The following CTNNA3 variants were observed in gnomAD, a reference collection of about 807,000 sequenced individuals.
CTNNA3 encodes the protein catenin alpha-3.
A neutral mutation model predicts 95.7 loss-of-function variants in CTNNA3; 76 were observed. The observed-to-expected ratio is 0.79, with a 90% CI of 0.66 to 0.96. CTNNA3 has a LOEUF of 0.96. Ranked by LOEUF, CTNNA3 falls within the 40% of genes least tolerant of loss-of-function variation. The pLI, the probability that CTNNA3 is intolerant of heterozygous loss-of-function variation, is 0.00. For synonymous variants in CTNNA3, 431 were observed against 374.4 expected (o/e 1.15, Z -1.74); for missense variants, 1,191 against 1,089.8 (o/e 1.09, Z -1.31).
intron 4 of CTNNA3, among the ~76,000 whole-genome samples, chr10:67,529,281 T>C (rs1040604372): frequency 2.0e-5 from 3 of 151,968 alleles, no homozygotes; most frequent in African/African-American, 7.2e-5. Flanking sequence ...TATTTCAAAA[T>C]AACTAAAAGA....
chr10:67,328,875 A>T (rs759273586), intron 5 of CTNNA3, among the ~76,000 whole-genome samples: 1 of 152,038 alleles, frequency 6.6e-6, no homozygotes, highest in Non-Finnish European at 1.5e-5. Flanking sequence ...ATATTATAGG[A>T]CTTATTTGGT....
chr10:67,674,517 A>AT (rs1490627443), intron 1 of CTNNA3, among the ~76,000 whole-genome samples: 1 of 152,168 alleles, frequency 6.6e-6, no homozygotes, highest in Non-Finnish European at 1.5e-5. Context: ...TTCAGTTTCA[A>AT]TAAGTATTGT....
At chr10:67,407,900 C>T (rs1845201286) in intron 5 of CTNNA3, among the ~76,000 whole-genome samples, 1 of 151,830 alleles carries the variant, frequency 6.6e-6, no homozygotes, top group Non-Finnish European at 1.5e-5. Context: ...CAAACCACTG[C>T]TCAAAGAAAT....
intron 4 of CTNNA3, among the ~76,000 whole-genome samples, chr10:67,538,617 A>G (rs78674029): frequency 0.13 from 19,584 of 151,568 alleles, 1,552 homozygotes; most frequent in East Asian, 0.3. Flanking sequence ...GAAAAGAAAA[A>G]GAAAGATGCA....
chr10:67,096,153 G>A (rs550736165), intron 7 of CTNNA3, among the ~76,000 whole-genome samples: 25 of 151,774 alleles, frequency 1.6e-4, no homozygotes, highest in South Asian at 4.2e-4. Context: ...TTTATATGCC[G>A]AAATATTCAT....
chr10:67,389,987 C>A (rs2132764598), intron 5 of CTNNA3, among the ~76,000 whole-genome samples: 1 of 151,298 alleles, frequency 6.6e-6, no homozygotes, highest in African/African-American at 2.4e-5. Flanking sequence ...CCTAACATCA[C>A]AATTAAAAGA....
At chr10:65,986,811 G>A (rs1420239622) in intron 16 of CTNNA3, among the ~76,000 whole-genome samples, 2 of 150,876 alleles carry the variant, frequency 1.3e-5, no homozygotes, top group Non-Finnish European at 3.0e-5. Flanking sequence ...TTCAAAATAT[G>A]TTACAAAGAT....
At position 67,754,145 on chromosome 10, in the gene CTNNA3, C is replaced by G. The variant is rs574722925; in HGVS notation, c.-2+9289G>C. Among the ~76,000 whole-genome samples the G allele has an allele frequency of 2.0e-5, 3 of 152,238 alleles. No individual in the cohort carries two copies. In the South Asian group the frequency reaches 6.2e-4, roughly 32 times the overall value. On this transcript the variant is annotated intron_variant, in intron 1 of 17. Transcript: ENST00000684154. ...AATGCTCTGCAGCCATAAAAAGGAA[C>G]AAGATCGTGACCTTTGCAGGGAGAT...
intron 7 of CTNNA3, among the ~76,000 whole-genome samples, chr10:66,942,914 T>C (rs1257953497): frequency 6.6e-6 from 1 of 151,968 alleles, no homozygotes; most frequent in East Asian, 1.9e-4. Flanking sequence ...AATCAAAGAG[T>C]TACAAAGGAA....
chr10:67,151,296 T>G (rs1254371988), intron 7 of CTNNA3, among the ~76,000 whole-genome samples: 4 of 151,876 alleles, frequency 2.6e-5, no homozygotes, highest in African/African-American at 9.7e-5. Flanking sequence ...ACGAGAAGTA[T>G]GCCATCAAAT....
At chr10:66,713,852 C>T (rs897518521) in intron 9 of CTNNA3, among the ~76,000 whole-genome samples, 1 of 152,040 alleles carries the variant, frequency 6.6e-6, no homozygotes, top group African/African-American at 2.4e-5. Flanking sequence ...GAAGGAGACA[C>T]CTTCATTTAT....
intron 13 of CTNNA3, among the ~76,000 whole-genome samples, chr10:66,181,777 A>C (rs2086051274): frequency 6.6e-6 from 1 of 152,214 alleles, no homozygotes; most frequent in Non-Finnish European, 1.5e-5. Context: ...TGGTATGCTT[A>C]AGAAGAGATT....
intron 7 of CTNNA3, among the ~76,000 whole-genome samples, chr10:67,097,361 C>A (rs1040540048): frequency 3.3e-5 from 5 of 151,796 alleles, no homozygotes; most frequent in Non-Finnish European, 5.9e-5. Context: ...TTATCCAAAT[C>A]TTCTAGTAAA....
intron 17 of CTNNA3, among the ~76,000 whole-genome samples, chr10:65,954,483 T>A (rs1159592590): frequency 1.3e-5 from 2 of 152,196 alleles, no homozygotes; most frequent in Non-Finnish European, 2.9e-5. Context: ...CTGAATGGTA[T>A]TGCCTAGGTT....
At chr10:67,226,415 A>G (rs1318038199) in intron 5 of CTNNA3, among the ~76,000 whole-genome samples, 2 of 152,196 alleles carry the variant, frequency 1.3e-5, no homozygotes, top group East Asian at 3.8e-4. Context: ...TCCTAGACAC[A>G]TTGTCATCAG....
chr10:66,715,192 A>C (rs1188483073), intron 9 of CTNNA3, among the ~76,000 whole-genome samples: 1 of 152,160 alleles, frequency 6.6e-6, no homozygotes, highest in Non-Finnish European at 1.5e-5. Context: ...GTCCACCTAC[A>C]TAATTTTCCC....
intron 7 of CTNNA3, among the ~76,000 whole-genome samples, chr10:66,977,969 T>C (rs1850146054): frequency 6.6e-6 from 1 of 152,174 alleles, no homozygotes; most frequent in African/African-American, 2.4e-5. Flanking sequence ...GTCAAACTTT[T>C]ATTCCTAAGT....
intron 1 of CTNNA3, among the ~76,000 whole-genome samples, chr10:67,762,622 A>G (rs1187520562): frequency 6.6e-6 from 1 of 152,200 alleles, no homozygotes; most frequent in East Asian, 1.9e-4. Flanking sequence ...ATTCTAAGTT[A>G]TCTCAGGGTA....
At chr10:66,833,714 AGTACT>A (rs1235428358) in intron 7 of CTNNA3, among the ~76,000 whole-genome samples, 1 of 152,200 alleles carries the variant, frequency 6.6e-6, no homozygotes, top group Non-Finnish European at 1.5e-5. Context: ...GATGAGTTTC[AGTACT>A]GTACTACAAA....
Sources: allele counts gnomAD v4.1 joint callset (sites outside exome capture counted in the v4.1 genomes callset), GRCh38; gene constraint gnomAD v4.1.1; transcripts MANE v1.5; gene names NCBI Gene and HGNC (gene_info 2026-07-23, HGNC 2026-07-21).